FKBP3: variants seen among roughly 807,000 people sequenced by gnomAD.
FKBP3 encodes peptidyl-prolyl cis-trans isomerase FKBP3.
FKBP3 carries 21 observed loss-of-function variants against 30.6 expected under a neutral mutation model. That is an observed-to-expected ratio of 0.69 (90% CI 0.49 to 0.99). The LOEUF (loss-of-function observed/expected upper bound fraction) is 0.99, where lower values mean the gene tolerates loss of function less well. Ranked by LOEUF, FKBP3 falls within the 50% of genes least tolerant of loss-of-function variation. The pLI, the probability that FKBP3 is intolerant of heterozygous loss-of-function variation, is 0.00. For synonymous variants in FKBP3, 82 were observed against 91.3 expected, an observed-to-expected ratio of 0.90 and a Z score of 0.58; for missense variants, 283 against 261.6, an observed-to-expected ratio of 1.08 and a Z score of -0.56.
At chr14:45,133,393 G>A (rs1374475279) in intron 1 of FKBP3, 4 of 245,990 alleles carry the variant, frequency 1.6e-5, no homozygotes, top group South Asian at 3.3e-5. Flanking sequence ...TTTGAACCCG[G>A]GAGGCGGAGG....
At position 45,115,952 on chromosome 14, in the gene FKBP3, G is replaced by C. The variant is rs185695419; in HGVS notation, c.*246C>G. The C allele has an allele frequency of 1.3e-3, 559 of 431,398 alleles. 2 individuals are homozygous for C. Among genetic ancestry groups the C allele is most frequent in the Admixed American group, 3.4e-3 (99 of 29,488 alleles). 26.7% of individuals were successfully genotyped at this position (431,398 alleles called of 1,614,324 possible). A position where few individuals can be genotyped will look rare whatever the true frequency, so the allele number is the denominator to read the frequency against. ...GAGCCACTTAAGTTTACAACATGAG[G>C]TAAAAGGAAAAAGTTCTCCTTGACC... On this transcript the variant is annotated 3_prime_UTR_variant, in exon 7 of 7. Transcript: ENST00000396062.
At position 45,134,446 on chromosome 14, in the gene FKBP3, G is replaced by A. The variant is rs775575091; in HGVS notation, c.11C>T (p.Ala4Val). MAAAVPQRAWTVEQ... is the reference protein window; with the variant it reads MAAVVPQRAWTVEQ... ...CACGGTCCACGCCCGCTGTGGAACG[G>A]CCGCCGCCATCTTCCCCCGCTGCCT... Residue 4 changes from alanine to valine, a missense_variant, in exon 1 of 7, where the codon GCC becomes GTC. Physicochemically the swap from Ala to Val is moderately conservative, Grantham distance 64 (BLOSUM62 0). Transcript: ENST00000396062. The A allele has an allele frequency of 6.2e-6, 10 of 1,608,972 alleles. No individual in the cohort carries two copies. Among genetic ancestry groups the A allele is most frequent in the Middle Eastern group, 1.7e-4 (1 of 6,014 alleles).
chr14:45,126,891 C>T (rs761631257), intron 3 of FKBP3, among the ~76,000 whole-genome samples: 4 of 152,060 alleles, frequency 2.6e-5, no homozygotes, highest in Non-Finnish European at 2.9e-5. Context: ...TCTTGGCTCC[C>T]TGCAACCTCT....
At chr14:45,120,500 G>C (rs930579992) in intron 5 of FKBP3, among the ~76,000 whole-genome samples, 2 of 152,110 alleles carry the variant, frequency 1.3e-5, no homozygotes, top group Non-Finnish European at 2.9e-5. Context: ...TATGTAAATG[G>C]TACAACAGTT....
chr14:45,132,350 A>C (rs1276863581), intron 1 of FKBP3, among the ~76,000 whole-genome samples: 1 of 152,238 alleles, frequency 6.6e-6, no homozygotes, highest in East Asian at 1.9e-4. Flanking sequence ...ATGATTAATA[A>C]AATAATTATT....
At chr14:45,129,261 C>G (rs982079405) in intron 3 of FKBP3, among the ~76,000 whole-genome samples, 1 of 152,192 alleles carries the variant, frequency 6.6e-6, no homozygotes, top group Non-Finnish European at 1.5e-5. Context: ...TAAGTCAGTT[C>G]TTAGTAGCTG....
At chr14:45,125,442 G>A (rs1402999368) in intron 3 of FKBP3, among the ~76,000 whole-genome samples, 1 of 152,186 alleles carries the variant, frequency 6.6e-6, no homozygotes, top group Non-Finnish European at 1.5e-5. Context: ...TATCAAAGAT[G>A]AAGTTATCAA....
At chr14:45,123,179 TAA>T (rs35440697) in intron 3 of FKBP3, among the ~76,000 whole-genome samples, 96 of 123,076 alleles carry the variant, frequency 7.8e-4, no homozygotes, top group African/African-American at 1.2e-3. Context: ...AGGCTCCATC[TAA>T]AAAAAAAAAA....
In FKBP3 at chr14:45,119,748, C is replaced by T. The variant is rs563097504; in HGVS notation, c.522+1139G>A. On this transcript the variant is annotated intron_variant, in intron 5 of 6. Transcript: ENST00000396062. ...TGTTGCCCAGGCTGGAGTGCAGTGG[C>T]GTGATCTCAGCTCACTACAACCTCC... Among the ~76,000 whole-genome samples, 10 of 147,418 alleles carry T rather than the reference C, an allele frequency of 6.8e-5. No individual in the cohort carries two copies. In the East Asian group the frequency reaches 1.0e-3, roughly 15 times the overall value.
chr14:45,125,946 C>CA (rs780457915), intron 3 of FKBP3, among the ~76,000 whole-genome samples: 25 of 150,754 alleles, frequency 1.7e-4, no homozygotes, highest in Non-Finnish European at 2.6e-4. Context: ...GCCACCTAGG[C>CA]AGTGCAGTGG....
At chr14:45,118,945 C>T (rs1884919465) in intron 5 of FKBP3, among the ~76,000 whole-genome samples, 1 of 152,144 alleles carries the variant, frequency 6.6e-6, no homozygotes, top group Admixed American at 6.5e-5. Context: ...CAGCCTCTGC[C>T]TCCCGGGTTT....
At chr14:45,124,865 A>G (rs185036349) in intron 3 of FKBP3, among the ~76,000 whole-genome samples, 70 of 152,364 alleles carry the variant, frequency 4.6e-4, no homozygotes, top group African/African-American at 1.5e-3. Flanking sequence ...TTAGGACATT[A>G]GCCAATTTAG....
At chr14:45,127,130 T>TTTTTTTTTTTTTTTTTTTA (rs1885118130) in intron 3 of FKBP3, among the ~76,000 whole-genome samples, 1 of 145,614 alleles carries the variant, frequency 6.9e-6, no homozygotes, top group African/African-American at 2.6e-5. Context: ...TTTTTTTTTT[T>TTTTTTTTTTTTTTTTTTTA]GAGACAGAGT....
In FKBP3 at chr14:45,134,208, T is replaced by C. The variant is rs887590128; in HGVS notation, c.108+141A>G. 5.8e-6 allele frequency: 4 copies of C among 690,618 alleles called. No individual in the cohort carries two copies. In the African/African-American group the frequency reaches 7.3e-5, roughly 13 times the overall value. The allele number at this position is 690,618 out of a possible 1,614,324, so 42.8% of individuals were successfully genotyped here. A position where few individuals can be genotyped will look rare whatever the true frequency, so the allele number is the denominator to read the frequency against. On this transcript the variant is annotated intron_variant, in intron 1 of 6. Transcript: ENST00000396062. The stretch of plus-strand genomic sequence containing the variant: ...GGGAGCGAGGCACCAAAGCACAAGC[T>C]GGGCCTCTCCGGCCTTCCAGGCCAC...
chr14:45,118,430 G>A (rs1237795805), intron 5 of FKBP3, among the ~76,000 whole-genome samples: 1 of 152,004 alleles, frequency 6.6e-6, no homozygotes, highest in Non-Finnish European at 1.5e-5. Context: ...AGGAGTTTGA[G>A]ACCAGCCTAG....
rs758654184 is a variant in FKBP3 at position 45,125,903 on chromosome 14, AT to A, written c.318+3890del. On this transcript the variant is annotated intron_variant, in intron 3 of 6. Coordinates refer to ENST00000396062, the MANE Select transcript of FKBP3 (RefSeq NM_002013.4). Reference sequence around the variant, plus strand: ...AGACATTTGTGGTCAAAGAAAAAAAATTTTTTTTTTTTTTGAGACAAGGTCT... The same window carrying A: ...AGACATTTGTGGTCAAAGAAAAAAAATTTTTTTTTTTTTGAGACAAGGTCT... Among the ~76,000 whole-genome samples the A allele has an allele frequency of 6.2e-3, 903 of 145,094 alleles. 3 individuals carry two copies. The highest frequency in any genetic ancestry group is 0.011 in the African/African-American group (450 of 39,868).
intron 2 of FKBP3, 143 bp downstream of exon 2, chr14:45,130,556 C>G: frequency 2.0e-6 from 1 of 500,708 alleles, no homozygotes; most frequent in Non-Finnish European, 3.5e-6. Context: ...GATTTGACAG[C>G]TAGTCCACTT....
intron 3 of FKBP3, among the ~76,000 whole-genome samples, chr14:45,126,695 G>A (rs1000948674): frequency 8.5e-5 from 13 of 152,080 alleles, no homozygotes; most frequent in Admixed American, 5.9e-4. Flanking sequence ...AAGAGATGAA[G>A]TATGTCTATG....
In FKBP3 at chr14:45,125,014, T is replaced by C. The variant is rs190167853; in HGVS notation, c.319-3394A>G. ...TCACTGCAACCTCTGTTTCCCGAGT[T>C]CAAGCAATTCTCCTGCCTCAGCCTC... On this transcript the variant is annotated intron_variant, in intron 3 of 6. Transcript: ENST00000396062. 5.8e-4 allele frequency among the ~76,000 whole-genome samples: 88 copies of C among 152,292 alleles called. 2 individuals are homozygous for C. The highest frequency in any genetic ancestry group is 1.8e-3 in the African/African-American group (76 of 41,562).
Sources: gnomAD v4.1 joint callset for allele counts (sites outside exome capture counted in the v4.1 genomes callset) on GRCh38, gnomAD v4.1.1 for gene constraint, MANE v1.5 for transcripts, NCBI Gene and HGNC (gene_info 2026-07-23, HGNC 2026-07-21) for gene names.